Variants in NIT1 observed in about 807,000 individuals in gnomAD.
NIT1 encodes deaminated glutathione amidase.
In NIT1, 30 loss-of-function variants were observed where a neutral mutation model predicts 36.8. The ratio of observed to expected loss-of-function variants is 0.82; its 90% CI spans 0.61 to 1.11. The LOEUF is 1.11. Among genes scored for constraint, NIT1 ranks in the 50% least tolerant of loss-of-function variants. The pLI is 0.00. For synonymous variants in NIT1, 151 were observed against 155.6 expected, an observed-to-expected ratio of 0.97 and a Z score of 0.22; for missense variants, 438 against 410.6, an observed-to-expected ratio of 1.07 and a Z score of -0.58.
rs760812236 is a variant in NIT1, at chr1:161,119,859, C to T, written c.498C>T (p.Asp166=). The T allele has an allele frequency of 2.5e-5, 40 of 1,612,144 alleles. No homozygotes were observed. The highest frequency in any genetic ancestry group is 2.2e-5 in the East Asian group (1 of 44,868). The change falls in exon 5 of 7, where the codon GAC becomes GAT. Residue 166 remains aspartate (D), a synonymous_variant. Coordinates refer to ENST00000368009, the MANE Select transcript of NIT1 (RefSeq NM_005600.3). ...VATYRKTHLC[D]VEIPGQGPMC... is the part of the protein sequence containing the mutation. ...CTTACAGGAAGACACATCTGTGTGA[C>T]GTAGAGATTCCAGGGCAGGGGCCTA...
downstream of NIT1, chr1:161,123,968 T>C: frequency 6.2e-7 from 1 of 1,611,666 alleles, no homozygotes; most frequent in Non-Finnish European, 8.5e-7. Context: ...GAAGTAATCA[T>C]TCAGGAAAAT....
chr1:161,124,408 G>T (rs1158793390), downstream of NIT1: 2 of 1,612,348 alleles, frequency 1.2e-6, no homozygotes, highest in African/African-American at 2.7e-5. Flanking sequence ...CCATGTTCCT[G>T]CTCACCATGC....
chr1:161,118,309 G>A, intron 1 of NIT1, 131 bp downstream of exon 1: 3 of 1,560,204 alleles, frequency 1.9e-6, no homozygotes, highest in Non-Finnish European at 2.6e-6. Context: ...CGGGAGGGTG[G>A]AGGGCGGGGC....
downstream of NIT1, chr1:161,123,909 T>C (rs1425194225): frequency 6.2e-7 from 1 of 1,614,080 alleles, no homozygotes; most frequent in East Asian, 2.2e-5. Flanking sequence ...AGCGAATTGA[T>C]GTCTCCTCCA....
downstream of NIT1, chr1:161,122,438 A>C (rs2101735062): frequency 6.2e-7 from 1 of 1,614,230 alleles, no homozygotes; most frequent in Non-Finnish European, 8.5e-7. This position sits in a 1 kb window ranked among gnomAD's most constrained non-coding sequence, Gnocchi z 4.2. Context: ...ACTGGCGCTC[A>C]AGTGGGTCCT....
At chr1:161,120,286 C>T (rs1557972571) in intron 6 of NIT1, 54 bp downstream of exon 6, 10 of 1,598,538 alleles carry the variant, frequency 6.3e-6, no homozygotes, top group South Asian at 1.1e-5. Flanking sequence ...TCATCTTCCC[C>T]CCTTGGCCCT....
chr1:161,120,626 T>G lies in NIT1; in HGVS notation c.845T>G (p.Val282Gly), dbSNP rs778982723. 2.5e-6 allele frequency: 4 copies of G among 1,614,186 alleles called. No homozygotes were observed. The highest frequency in any genetic ancestry group is 3.4e-6 in the Non-Finnish European group (4 of 1,180,038). ...GTGGTAGACCCCTGGGGAACAGTGGTGGCCCGCTGCTCTGAGGGGCCAGGC... is the reference window on the plus strand; with the variant it reads ...GTGGTAGACCCCTGGGGAACAGTGGGGGCCCGCTGCTCTGAGGGGCCAGGC... ...SMVVDPWGTV[V>G]ARCSEGPGLC... Residue 282 changes from valine (V) to glycine (G), a missense_variant, in exon 7 of 7, where the codon GTG becomes GGG. Transcript: ENST00000368009.
chr1:161,124,437 C>G, downstream of NIT1: 1 of 1,604,502 alleles, frequency 6.2e-7, no homozygotes, highest in Non-Finnish European at 8.5e-7. Context: ...CCACACCTGG[C>G]TTGCCCGCCG....
At chr1:161,121,214 T>C, downstream of NIT1, 1 of 995,318 alleles carries the variant, frequency 1.0e-6, no homozygotes, top group Non-Finnish European at 1.2e-6. Context: ...CCAGCCCCAT[T>C]CTCCCAAGCA....
In NIT1 at chr1:161,119,875, C is replaced by T. The variant is rs868256740; in HGVS notation, c.514C>T (p.Gln172Ter). ...TCTGTGTGACGTAGAGATTCCAGGG[C>T]AGGGGCCTATGTGTGAAAGCAACTC... ...THLCDVEIPG[Q>*]GPMCESNSTM... Residue 172 changes from glutamine (Q) to a stop codon, truncating the protein, a stop_gained, in exon 5 of 7, where the codon CAG (glutamine) becomes TAG (stop). Coordinates refer to ENST00000368009, the MANE Select transcript of NIT1 (RefSeq NM_005600.3). LOFTEE classifies it high-confidence loss of function. The T allele has an allele frequency of 6.2e-7, 1 of 1,613,130 alleles. No homozygotes were observed. The highest frequency in any genetic ancestry group is 1.1e-5 in the South Asian group (1 of 90,950).
downstream of NIT1, chr1:161,124,399 C>G: frequency 1.2e-6 from 2 of 1,613,400 alleles, no homozygotes; most frequent in Non-Finnish European, 1.7e-6. Context: ...CTGTACAGCC[C>G]ATGTTCCTGC....
Position 161,118,872 on chromosome 1 carries a change from C to T in NIT1, c.89C>T (p.Ala30Val), listed in dbSNP as rs374411556. 7 of 1,612,786 alleles carry T rather than the reference C, an allele frequency of 4.3e-6. No homozygotes were observed. The highest frequency in any genetic ancestry group is 5.1e-6 in the Non-Finnish European group (6 of 1,178,936). Residue 30 changes from alanine to valine, a missense_variant, in exon 2 of 7, where the codon GCT becomes GTT. Ala to Val is a moderately conservative substitution (Grantham distance 64). Coordinates refer to ENST00000368009, the MANE Select transcript of NIT1 (RefSeq NM_005600.3). ...LRIPQLSVLC[A>V]QPRPRAMAIS... The stretch of plus-strand genomic sequence containing the variant: ...ATACCTCAACTCTCAGTACTTTGTG[C>T]TCAGCCCAGGTAACACGTTTTGTTG...
At chr1:161,123,355 T>A (rs1655746674), downstream of NIT1, 9 of 884,574 alleles carry the variant, frequency 1.0e-5, no homozygotes, top group South Asian at 8.3e-5. Context: ...AAAAGACATG[T>A]GAGACCAGGT....
chr1:161,123,027 AT>A (rs1212462780), downstream of NIT1: 1 of 1,614,086 alleles, frequency 6.2e-7, no homozygotes, highest in African/African-American at 1.3e-5. Context: ...AGTTCTTTAT[AT>A]TCTCCTTCAA....
chr1:161,124,476 G>T, downstream of NIT1: 1 of 1,590,504 alleles, frequency 6.3e-7, no homozygotes, highest in East Asian at 2.2e-5. Flanking sequence ...GGGGGCTCAG[G>T]TACGCAATGC....
downstream of NIT1, chr1:161,121,815 C>CA (rs1431567264): frequency 1.0e-4 from 23 of 223,746 alleles, no homozygotes; most frequent in East Asian, 2.7e-4. Flanking sequence ...TTAGTGCATC[C>CA]AAAAAAAAGT....
chr1:161,119,151 T>C lies in NIT1; in HGVS notation c.116T>C (p.Ile39Thr), dbSNP rs778121604. The change falls in exon 3 of 7, where the codon ATC becomes ACC. Residue 39 changes from isoleucine (I) to threonine (T), a missense_variant. Physicochemically the swap from Ile to Thr is moderately conservative, Grantham distance 89 (BLOSUM62 -1). Coordinates refer to ENST00000368009, the MANE Select transcript of NIT1 (RefSeq NM_005600.3). ...GTTCACAGGCCCAGAGCCATGGCTA[T>C]CTCCTCTTCCTCCTGCGAACTGCCC... ...CAQPRPRAMA[I>T]SSSSCELPLV... The C allele has an allele frequency of 2.5e-6, 4 of 1,613,742 alleles. No homozygotes were observed. The highest frequency in any genetic ancestry group is 1.7e-5 in the Admixed American group (1 of 60,006).
At position 161,118,167 on chromosome 1, in the gene NIT1, C is replaced by T; in HGVS notation, c.-10C>T. On this transcript the variant is annotated 5_prime_UTR_variant, in exon 1 of 7. Coordinates refer to ENST00000368009, the MANE Select transcript of NIT1 (RefSeq NM_005600.3). ...GATCGGACCCTGCGAATGGTTTTGG[C>T]TATATCTTCATGTAGGACCTACTCC... 1 of 1,614,070 alleles carries T rather than the reference C, an allele frequency of 6.2e-7. No individual in the cohort carries two copies. The highest frequency in any genetic ancestry group is 1.1e-5 in the South Asian group (1 of 91,084).
intron 4 of NIT1, 81 bp downstream of exon 4, chr1:161,119,693 T>A (rs532338675): frequency 7.6e-6 from 12 of 1,586,016 alleles, no homozygotes; most frequent in Non-Finnish European, 1.0e-5. Context: ...CAACTCTTAT[T>A]TCCTTGACCC....
Sources: allele counts gnomAD v4.1 joint callset, GRCh38; gene constraint gnomAD v4.1.1; non-coding constraint Gnocchi (gnomAD v3.1); transcripts MANE v1.5; gene names NCBI Gene and HGNC (gene_info 2026-07-23, HGNC 2026-07-21).